MIDN: variants seen among roughly 807,000 people sequenced by gnomAD.
MIDN encodes the protein midbrain nucleolar protein.
Under a neutral mutation model 46.1 loss-of-function variants are expected in MIDN, and 26 were observed. That is an observed-to-expected ratio of 0.56 (90% CI 0.41 to 0.78). The LOEUF (loss-of-function observed/expected upper bound fraction) is 0.78. Ranked by LOEUF, MIDN falls within the 30% of genes least tolerant of loss-of-function variation. MIDN has a pLI of 0.00. For synonymous variants in MIDN, 432 were observed against 343.3 expected, an observed-to-expected ratio of 1.26 and a Z score of -2.86; for missense variants, 850 against 771.8, an observed-to-expected ratio of 1.10 and a Z score of -1.20.
At chr19:1,251,388 C>T (rs1473811809) in intron 2 of MIDN, 174 bp from the exon 3 acceptor site, 3 of 586,500 alleles carry the variant, frequency 5.1e-6, no homozygotes, top group Non-Finnish European at 8.8e-6. Context: ...CTCCCAGCAC[C>T]AGACGGAGAC....
intron 8 of MIDN, among the ~76,000 whole-genome samples, chr19:1,256,529 C>T (rs551294582): frequency 1.2e-4 from 18 of 151,892 alleles, no homozygotes; most frequent in East Asian, 3.9e-4. Flanking sequence ...TATCTCCCCT[C>T]GGATCACAGA....
chr19:1,255,272 G>T lies in MIDN; in HGVS notation c.986-150G>T, dbSNP rs549075254. On this transcript the variant is annotated intron_variant, in intron 7 of 8. Transcript: ENST00000682408. ...CACCAGGCGCCTGCATACTGGGGAC[G>T]TGTCCCGCTCCCGCCCCGTGGTCCC... is the stretch of plus-strand genomic sequence containing the variant. 2.3e-5 allele frequency: 27 copies of T among 1,184,608 alleles called. No homozygotes were observed. In the South Asian group the frequency reaches 4.2e-4, roughly 18 times the overall value. 73.4% of individuals were successfully genotyped at this position (1,184,608 alleles called of 1,614,324 possible).
At position 1,252,612 on chromosome 19, in the gene MIDN, C is replaced by T. The variant is rs142609536; in HGVS notation, c.384+711C>T. Among the ~76,000 whole-genome samples the T allele has an allele frequency of 1.9e-3, 285 of 152,210 alleles. 5 individuals carry two copies. In the East Asian group the frequency reaches 0.022, roughly 12 times the overall value. ...CGGCCAAGCCTTCCTCAGACAAGGGCCCTGGCCACCTCCCAGGAGGGTGAC... is the reference window on the plus strand; with the variant it reads ...CGGCCAAGCCTTCCTCAGACAAGGGTCCTGGCCACCTCCCAGGAGGGTGAC... On this transcript the variant is annotated intron_variant, in intron 4 of 8. Transcript: ENST00000682408.
At position 1,254,334 on chromosome 19, in the gene MIDN, A is replaced by G. The variant is rs747345791; in HGVS notation, c.681A>G (p.Ile227Met). Residue 227 changes from isoleucine to methionine, a missense_variant, in exon 6 of 9, where the codon ATA becomes ATG. Transcript: ENST00000682408. Reference protein sequence around the residue: ...AAAAARGDPSIASPVSSPCRP... With the variant: ...AAAAARGDPSMASPVSSPCRP... The stretch of plus-strand genomic sequence containing the variant: ...CTGCTGCGCGGGGGGACCCCAGCAT[A>G]GCCTCCCCCGTGTCCTCGCCCTGCC... The G allele has an allele frequency of 1.3e-6, 2 of 1,567,980 alleles. No homozygotes were observed. The highest frequency in any genetic ancestry group is 4.6e-5 in the East Asian group (2 of 43,056).
chr19:1,252,376 C>T (rs1042127166), intron 4 of MIDN, among the ~76,000 whole-genome samples: 3 of 151,900 alleles, frequency 2.0e-5, no homozygotes, highest in African/African-American at 2.4e-5. Flanking sequence ...GATCTCGTCA[C>T]CCTCCCCTCC....
chr19:1,251,142 C>T (rs2081122480), intron 2 of MIDN: 1 of 158,962 alleles, frequency 6.3e-6, no homozygotes, highest in Non-Finnish European at 1.4e-5. Context: ...GAGCCCGGCC[C>T]GGCGCAACCC....
intron 1 of MIDN, among the ~76,000 whole-genome samples, chr19:1,249,659 TTGGTCGCC>T (rs1474423089): frequency 2.1e-5 from 3 of 145,384 alleles, no homozygotes; most frequent in Non-Finnish European, 4.6e-5. Context: ...TGCGCTCCCC[TTGGTCGCC>T]TGGGCGCTGG....
Position 1,257,403 on chromosome 19 carries a change from C to G in MIDN, c.*131C>G. On this transcript the variant is annotated 3_prime_UTR_variant, in exon 9 of 9. Coordinates refer to ENST00000682408, the MANE Select transcript of MIDN (RefSeq NM_001388306.1). Reference sequence around the variant, plus strand: ...CTCCCCCAGCCAGAAGTCTTTTTTTCTTTTCTTCTTTTTTATTATTTTTTT... The same window carrying G: ...CTCCCCCAGCCAGAAGTCTTTTTTTGTTTTCTTCTTTTTTATTATTTTTTT... 1 of 672,240 alleles carries G rather than the reference C, an allele frequency of 1.5e-6. No homozygotes were observed. Among genetic ancestry groups the G allele is most frequent in the Non-Finnish European group, 2.5e-6 (1 of 393,650 alleles). 41.6% of individuals were successfully genotyped at this position (672,240 alleles called of 1,614,324 possible). A position where few individuals can be genotyped will look rare whatever the true frequency, so the allele number is the denominator to read the frequency against.
rs765915936 is a variant in MIDN at position 1,255,471 on chromosome 19, C to T, written c.1035C>T (p.Asp345=). 4 of 1,609,006 alleles carry T rather than the reference C, an allele frequency of 2.5e-6. No individual in the cohort carries two copies. The highest frequency in any genetic ancestry group is 3.4e-6 in the Non-Finnish European group (4 of 1,178,442). Residue 345 remains aspartate (D), a synonymous_variant, in exon 8 of 9, where the codon GAC becomes GAT. Transcript: ENST00000682408. ...ACAGCAGCGGGCGGCCGCGGCGTGA[C>T]ATCGGCACCATCCTGCAGATCCTGA... ...CQDSSGRPRR[D]IGTILQILND...
chr19:1,252,235 G>T (rs1198827877), intron 4 of MIDN, among the ~76,000 whole-genome samples: 1 of 152,296 alleles, frequency 6.6e-6, no homozygotes, highest in East Asian at 1.9e-4. Flanking sequence ...CCCCACCGAG[G>T]AGCCCCCCTC....
Position 1,254,475 on chromosome 19 carries a change from G to C in MIDN, c.822G>C (p.Pro274=). ...FRSHAASTTC[P]EQMDCSPTAS... is the part of the protein sequence containing the mutation. ...CCCACGCAGCCTCCACCACCTGCCC[G>C]GAGGTGAGCCTGGGGAAGGGAAGGG... The change falls in exon 6 of 9, where the codon CCG becomes CCC. Residue 274 remains proline, a synonymous_variant. Coordinates refer to ENST00000682408, the MANE Select transcript of MIDN (RefSeq NM_001388306.1). The C allele has an allele frequency of 1.3e-6, 2 of 1,552,690 alleles. No homozygotes were observed. The highest frequency in any genetic ancestry group is 3.3e-4 in the Middle Eastern group (2 of 6,004).
chr19:1,255,393 C>T (rs774611474), intron 7 of MIDN, 29 bp from the exon 8 acceptor site: 27 of 1,554,378 alleles, frequency 1.7e-5, no homozygotes, highest in Non-Finnish European at 2.3e-5. Flanking sequence ...GTGCCCGTGC[C>T]GGGCACTCAC....
rs138983992 is a variant in MIDN at position 1,251,134 on chromosome 19, G to T, written c.234-428G>T. On this transcript the variant is annotated intron_variant, in intron 2 of 8. Coordinates refer to ENST00000682408, the MANE Select transcript of MIDN (RefSeq NM_001388306.1). ...CGCCGGGGAGGGAGGAGGAGGGGGAGCCCGGCCCGGCGCAACCCCCAGGGC... is the reference window on the plus strand; with the variant it reads ...CGCCGGGGAGGGAGGAGGAGGGGGATCCCGGCCCGGCGCAACCCCCAGGGC... The T allele has an allele frequency of 1.5e-3, 237 of 158,150 alleles. 1 individual carries two copies. Among genetic ancestry groups the T allele is most frequent in the Admixed American group, 2.4e-3 (37 of 15,374 alleles). 9.8% of individuals were successfully genotyped at this position (158,150 alleles called of 1,614,324 possible).
At chr19:1,254,771 C>T (rs1284919828) in intron 6 of MIDN, 131 bp from the exon 7 acceptor site, 1 of 1,122,132 alleles carries the variant, frequency 8.9e-7, no homozygotes, top group South Asian at 1.5e-5. Flanking sequence ...TGACCTTGGG[C>T]TAGTTTATCT....
Position 1,255,393 on chromosome 19 carries a change from C to G in MIDN, c.986-29C>G, listed in dbSNP as rs774611474. The G allele has an allele frequency of 5.8e-6, 9 of 1,554,494 alleles. No individual in the cohort carries two copies. The South Asian group carries it at 1.1e-4, about 18-fold the overall frequency. On this transcript the variant is annotated intron_variant, in intron 7 of 8. Transcript: ENST00000682408. ...TGGACATGCGGGACTGTGCCCGTGC[C>G]GGGCACTCACGGCCACCTCTGCCCG...
At chr19:1,250,966 C>T (rs993538491) in intron 2 of MIDN, among the ~76,000 whole-genome samples, 2 of 152,130 alleles carry the variant, frequency 1.3e-5, no homozygotes, top group African/African-American at 4.8e-5. Context: ...TCCCCTCCCC[C>T]CTGGTATTTA....
Position 1,249,883 on chromosome 19 carries a change from C to T in MIDN, c.-407-7C>T, listed in dbSNP as rs1479666851. ...TAACTTTTTTTTCTTGTTACTTTCA[C>T]CCCCAGATCCTCCGAGCGGCGGCGA... On this transcript the variant is annotated splice_region_variant and splice_polypyrimidine_tract_variant and intron_variant, in intron 1 of 8. Coordinates refer to ENST00000682408, the MANE Select transcript of MIDN (RefSeq NM_001388306.1). 6.6e-6 allele frequency: 1 copy of T among 151,908 alleles called. No homozygotes were observed. Among genetic ancestry groups the T allele is most frequent in the Admixed American group, 6.5e-5 (1 of 15,268 alleles). The allele number at this position is 151,908 out of a possible 1,614,324, so 9.4% of individuals were successfully genotyped here. A position where few individuals can be genotyped will look rare whatever the true frequency, so the allele number is the denominator to read the frequency against.
rs1458849565 is a variant in MIDN at position 1,257,422 on chromosome 19, T to A, written c.*150T>A. The stretch of plus-strand genomic sequence containing the variant: ...TTTTTTCTTTTCTTCTTTTTTATTA[T>A]TTTTTTCTTTTTTTAAAAAGTTCTG... On this transcript the variant is annotated 3_prime_UTR_variant, in exon 9 of 9. Coordinates refer to ENST00000682408, the MANE Select transcript of MIDN (RefSeq NM_001388306.1). The A allele has an allele frequency of 1.8e-5, 11 of 627,002 alleles. No individual in the cohort carries two copies. The highest frequency in any genetic ancestry group is 1.3e-4 in the African/African-American group (7 of 52,366). The allele number at this position is 627,002 out of a possible 1,614,324, so 38.8% of individuals were successfully genotyped here. A position where few individuals can be genotyped will look rare whatever the true frequency, so the allele number is the denominator to read the frequency against.
At chr19:1,253,178 C>G (rs867498097) in intron 4 of MIDN, among the ~76,000 whole-genome samples, 3 of 151,584 alleles carry the variant, frequency 2.0e-5, no homozygotes, top group African/African-American at 7.3e-5. Context: ...CAGCTGCTCT[C>G]GGGAAGCCAC....
Sources: allele counts gnomAD v4.1 joint callset (sites outside exome capture counted in the v4.1 genomes callset), GRCh38; gene constraint gnomAD v4.1.1; transcripts MANE v1.5; gene names NCBI Gene and HGNC (gene_info 2026-07-23, HGNC 2026-07-21).